Variants in KLHL1 observed in about 807,000 individuals in gnomAD.
KLHL1 encodes kelch like family member 1, also known as kelch-like protein 1.
Under a neutral mutation model 77.7 loss-of-function variants are expected in KLHL1, and 47 were observed. The observed-to-expected ratio is 0.60, with a 90% CI of 0.48 to 0.77. The LOEUF is 0.77. Among genes scored for constraint, KLHL1 ranks in the 30% least tolerant of loss-of-function variants. The probability of loss-of-function intolerance (pLI) is 0.00; values close to 1 mark genes in which losing one functional copy is unlikely to be tolerated. For missense variants in KLHL1, 925 were observed against 910.8 expected, an observed-to-expected ratio of 1.02 and a Z score of -0.20; for synonymous variants, 360 against 325.2, an observed-to-expected ratio of 1.11 and a Z score of -1.15.
chr13:70,058,004 A>T (rs561893069), intron 1 of KLHL1, among the ~76,000 whole-genome samples: 11 of 152,258 alleles, frequency 7.2e-5, no homozygotes, highest in East Asian at 1.9e-4. Context: ...TCATAATTTC[A>T]ATTGATGCTG....
chr13:70,026,822 A>G (rs1181720382), intron 1 of KLHL1, among the ~76,000 whole-genome samples: 6 of 151,088 alleles, frequency 4.0e-5, no homozygotes, highest in Non-Finnish European at 7.4e-5. Context: ...TTAATGGATA[A>G]AATATAGTGA....
At chr13:69,826,881 A>T (rs922872523) in intron 6 of KLHL1, among the ~76,000 whole-genome samples, 1 of 150,574 alleles carries the variant, frequency 6.6e-6, no homozygotes, top group Non-Finnish European at 1.5e-5. Context: ...TTTAATAAGA[A>T]TATATTAATT....
chr13:69,796,459 T>C (rs1268925853), intron 7 of KLHL1, among the ~76,000 whole-genome samples: 2 of 152,160 alleles, frequency 1.3e-5, no homozygotes, highest in Non-Finnish European at 2.9e-5. Context: ...CACCTGCTCC[T>C]GTCTCTCTTG....
intron 5 of KLHL1, among the ~76,000 whole-genome samples, chr13:69,871,420 G>T (rs1448237748): frequency 6.6e-6 from 1 of 152,052 alleles, no homozygotes; most frequent in South Asian, 2.1e-4. Context: ...CTTTAGTCAC[G>T]CTAATTTCTC....
intron 4 of KLHL1, among the ~76,000 whole-genome samples, chr13:69,923,329 G>A (rs138378052): frequency 7.2e-5 from 11 of 152,284 alleles, no homozygotes; most frequent in Admixed American, 1.3e-4. Context: ...TTGTAGCTTG[G>A]TGGAGGGTGA....
intron 1 of KLHL1, among the ~76,000 whole-genome samples, chr13:70,093,902 A>T (rs1217462267): frequency 6.6e-6 from 1 of 152,172 alleles, no homozygotes; most frequent in Non-Finnish European, 1.5e-5. Context: ...ATATAAAGTT[A>T]ATTAACTTGT....
intron 8 of KLHL1, among the ~76,000 whole-genome samples, chr13:69,727,270 A>G (rs916366635): frequency 6.6e-6 from 1 of 152,288 alleles, no homozygotes; most frequent in Admixed American, 6.5e-5. Context: ...TCCTGTTAAT[A>G]CTGATCTTGC....
intron 1 of KLHL1, among the ~76,000 whole-genome samples, chr13:69,976,150 A>C (rs1230022627): frequency 6.6e-6 from 1 of 152,074 alleles, no homozygotes; most frequent in Non-Finnish European, 1.5e-5. Context: ...TGAAATGTTA[A>C]TTTCGTTCAT....
intron 4 of KLHL1, among the ~76,000 whole-genome samples, chr13:69,899,386 C>G (rs2138223579): frequency 6.6e-6 from 1 of 152,252 alleles, no homozygotes; most frequent in East Asian, 1.9e-4. Flanking sequence ...TCCTGGTTCA[C>G]TCATCTAAAA....
At chr13:69,787,972 A>G (rs1447610648) in intron 7 of KLHL1, among the ~76,000 whole-genome samples, 2 of 152,232 alleles carry the variant, frequency 1.3e-5, no homozygotes, top group African/African-American at 2.4e-5. Context: ...ATCTCACACC[A>G]GTTAGTTAGA....
intron 4 of KLHL1, among the ~76,000 whole-genome samples, chr13:69,886,754 ATC>A (rs1164734252): frequency 6.6e-6 from 1 of 152,040 alleles, no homozygotes; most frequent in Non-Finnish European, 1.5e-5. Context: ...AACTCAAGAA[ATC>A]TCTCTCTCAT....
intron 4 of KLHL1, among the ~76,000 whole-genome samples, chr13:69,900,211 T>C (rs575226885): frequency 6.6e-6 from 1 of 152,314 alleles, no homozygotes; most frequent in East Asian, 1.9e-4. Flanking sequence ...TATCATATAC[T>C]TAAAAATATT....
intron 1 of KLHL1, among the ~76,000 whole-genome samples, chr13:70,014,577 CTGTG>C (rs1347605836): frequency 2.0e-5 from 3 of 151,862 alleles, no homozygotes; most frequent in South Asian, 2.1e-4. Flanking sequence ...AAAATAAAGT[CTGTG>C]TGTTTTTCAT....
Position 69,961,410 on chromosome 13 carries a change from C to A in KLHL1, c.715G>T (p.Ala239Ser), listed in dbSNP as rs1884060803. The A allele has an allele frequency of 2.5e-6, 4 of 1,612,838 alleles. No homozygotes were observed. Among genetic ancestry groups the A allele is most frequent in the Admixed American group, 1.7e-5 (1 of 59,842 alleles). Residue 239 changes from alanine to serine, a missense_variant, in exon 3 of 11, where the codon GCC (alanine) becomes TCC (serine). Physicochemically the swap from Ala to Ser is moderately conservative, Grantham distance 99. Transcript: ENST00000377844. The stretch of plus-strand genomic sequence containing the variant: ...TCACAAACATCACTTGTAAACATGG[C>A]CGCAAAATAGTCGGAGACTGAACTC... ...VLSSVSDYFAAMFTSDVCEAK... is the reference protein window; with the variant it reads ...VLSSVSDYFASMFTSDVCEAK...
chr13:69,956,536 G>T (rs1883893199), intron 3 of KLHL1, among the ~76,000 whole-genome samples: 1 of 151,416 alleles, frequency 6.6e-6, no homozygotes, highest in South Asian at 2.1e-4. Flanking sequence ...TATTTTGAGA[G>T]CAAGACAGCG....
At chr13:69,952,517 G>T (rs886194658) in intron 3 of KLHL1, among the ~76,000 whole-genome samples, 1 of 151,252 alleles carries the variant, frequency 6.6e-6, no homozygotes, top group African/African-American at 2.4e-5. Flanking sequence ...GTGCCATTTG[G>T]CTAGGACATT....
chr13:69,924,489 A>T (rs1386209385), intron 4 of KLHL1, among the ~76,000 whole-genome samples: 1 of 152,008 alleles, frequency 6.6e-6, no homozygotes, highest in Non-Finnish European at 1.5e-5. Flanking sequence ...AGAGCTGAAC[A>T]CTCATTGGGA....
chr13:69,794,564 T>TA (rs58800073), intron 7 of KLHL1, among the ~76,000 whole-genome samples: 36,163 of 144,460 alleles, frequency 0.25, 4,449 homozygotes, highest in South Asian at 0.35. Flanking sequence ...AGAGAGAGAT[T>TA]AAAAAAAAAG....
intron 8 of KLHL1, among the ~76,000 whole-genome samples, chr13:69,739,306 CTA>C (rs1374863467): frequency 6.6e-6 from 1 of 152,166 alleles, no homozygotes; most frequent in Non-Finnish European, 1.5e-5. Flanking sequence ...ACACACTTAA[CTA>C]TACAGACCAG....
Sources: gnomAD v4.1 joint callset for allele counts (sites outside exome capture counted in the v4.1 genomes callset) on GRCh38, gnomAD v4.1.1 for gene constraint, MANE v1.5 for transcripts, NCBI Gene and HGNC (gene_info 2026-07-23, HGNC 2026-07-21) for gene names.